Variants in ATP9A observed in about 807,000 individuals in gnomAD.
ATP9A encodes the protein probable phospholipid-transporting ATPase IIA.
A neutral mutation model predicts 144.1 loss-of-function variants in ATP9A; 52 were observed. The ratio of observed to expected loss-of-function variants is 0.36; its 90% CI spans 0.29 to 0.45. The LOEUF (loss-of-function observed/expected upper bound fraction) is 0.45, where lower values mean the gene tolerates loss of function less well. Among genes scored for constraint, ATP9A ranks in the 20% least tolerant of loss-of-function variants. The pLI, the probability that ATP9A is intolerant of heterozygous loss-of-function variation, is 1.00. For missense variants in ATP9A, 947 were observed against 1,392.7 expected (o/e 0.68, Z 5.09); for synonymous variants, 582 against 557.4 (o/e 1.04, Z -0.62).
chr20:51,660,523 A>AGG (rs1343037275), intron 13 of ATP9A, among the ~76,000 whole-genome samples: 1 of 152,258 alleles, frequency 6.6e-6, no homozygotes, highest in African/African-American at 2.4e-5. Context: ...CACAGGCCAC[A>AGG]GGTTCAATGC....
intron 1 of ATP9A, among the ~76,000 whole-genome samples, chr20:51,750,835 A>G (rs1307161035): frequency 6.6e-6 from 1 of 152,094 alleles, no homozygotes; most frequent in Non-Finnish European, 1.5e-5. Context: ...CAACCTAGGG[A>G]GGAATCCAAA....
At chr20:51,666,605 G>A (rs1007777317) in intron 13 of ATP9A, among the ~76,000 whole-genome samples, 21 of 151,608 alleles carry the variant, frequency 1.4e-4, no homozygotes, top group Non-Finnish European at 2.5e-4. Flanking sequence ...GCTTGAACCC[G>A]GGAGGTGGAG....
At chr20:51,646,903 G>A (rs1568801469) in intron 14 of ATP9A, among the ~76,000 whole-genome samples, 2 of 152,026 alleles carry the variant, frequency 1.3e-5, no homozygotes, top group African/African-American at 2.4e-5. Context: ...GATCACCTGA[G>A]GTATGGAGCC....
chr20:51,609,269 G>A (rs1568783282), intron 24 of ATP9A, among the ~76,000 whole-genome samples: 1 of 152,144 alleles, frequency 6.6e-6, no homozygotes, highest in Non-Finnish European at 1.5e-5. Context: ...TACTCTTCCA[G>A]AACCCGACGA....
chr20:51,728,879 T>C (rs759177920), intron 2 of ATP9A, among the ~76,000 whole-genome samples: 15 of 152,196 alleles, frequency 9.9e-5, no homozygotes, highest in Non-Finnish European at 2.1e-4. Context: ...TTGGAGCTGA[T>C]TGCTACTGCT....
At chr20:51,682,961 G>A (rs1267514812) in intron 9 of ATP9A, among the ~76,000 whole-genome samples, 2 of 150,436 alleles carry the variant, frequency 1.3e-5, no homozygotes, top group Non-Finnish European at 1.5e-5. Context: ...GTGTGGTGGT[G>A]CATGCCTGTA....
In ATP9A at chr20:51,702,652, C is replaced by A. The variant is rs116087831; in HGVS notation, c.437-5170G>T. 9.0e-3 allele frequency among the ~76,000 whole-genome samples: 1,365 copies of A among 151,998 alleles called. 17 individuals are homozygous for A. The highest frequency in any genetic ancestry group is 0.031 in the African/African-American group (1,292 of 41,434). On this transcript the variant is annotated intron_variant, in intron 4 of 27. Transcript: ENST00000338821. Reference sequence around the variant, plus strand: ...AAGTTAGAAGTGAGGAATCACTGGGCATTCAGTGGTCAGAACTGACTCCCA... The same window carrying A: ...AAGTTAGAAGTGAGGAATCACTGGGAATTCAGTGGTCAGAACTGACTCCCA...
chr20:51,688,982 A>C, intron 9 of ATP9A, 82 bp downstream of exon 9: 5 of 1,461,674 alleles, frequency 3.4e-6, no homozygotes, highest in Non-Finnish European at 9.6e-7. Flanking sequence ...CATTTTTCCA[A>C]CTGACAGATG....
At chr20:51,647,897 C>G (rs758265220) in intron 14 of ATP9A, among the ~76,000 whole-genome samples, 7 of 152,176 alleles carry the variant, frequency 4.6e-5, no homozygotes, top group Admixed American at 3.3e-4. Context: ...ACTGTCCAGC[C>G]CTGCTCAAAC....
chr20:51,664,880 C>A (rs1212966242), intron 13 of ATP9A, among the ~76,000 whole-genome samples: 1 of 143,904 alleles, frequency 6.9e-6, no homozygotes, highest in Non-Finnish European at 1.5e-5. Context: ...CCACCACCCC[C>A]GGCTAATTTT....
chr20:51,698,174 C>T (rs2077578464), intron 4 of ATP9A, among the ~76,000 whole-genome samples: 1 of 152,232 alleles, frequency 6.6e-6, no homozygotes, highest in African/African-American at 2.4e-5. Context: ...CTGGGATTCA[C>T]ACCTGCATCT....
At chr20:51,615,182 T>C (rs1258011075) in intron 22 of ATP9A, among the ~76,000 whole-genome samples, 3 of 152,050 alleles carry the variant, frequency 2.0e-5, no homozygotes, top group Non-Finnish European at 4.4e-5. Flanking sequence ...CTGAAATATT[T>C]AGGGGTAACA....
At chr20:51,675,887 G>GAA (rs375688302) in intron 10 of ATP9A, among the ~76,000 whole-genome samples, 81 of 103,500 alleles carry the variant, frequency 7.8e-4, no homozygotes, top group Non-Finnish European at 1.1e-3. Context: ...CTCAAAAAAA[G>GAA]AAAAAAAAAA....
chr20:51,705,789 T>C (rs1051832307), intron 4 of ATP9A, among the ~76,000 whole-genome samples: 7 of 152,168 alleles, frequency 4.6e-5, no homozygotes, highest in African/African-American at 1.7e-4. Context: ...AGAGAAATAA[T>C]TCCTTCACTA....
At chr20:51,601,407 G>A in intron 27 of ATP9A, 60 bp from the exon 28 acceptor site, 2 of 1,491,120 alleles carry the variant, frequency 1.3e-6, no homozygotes, top group Non-Finnish European at 1.8e-6. Context: ...GGTGCATGGG[G>A]TCCAGAAACA....
At chr20:51,608,785 G>C (rs550424683) in intron 24 of ATP9A, among the ~76,000 whole-genome samples, 159 bp from the exon 25 acceptor site, 2 of 152,248 alleles carry the variant, frequency 1.3e-5, no homozygotes, top group East Asian at 3.9e-4. Flanking sequence ...AAACCCATGA[G>C]CAAAAATGGA....
At chr20:51,650,467 G>A (rs2077359142) in intron 14 of ATP9A, among the ~76,000 whole-genome samples, 1 of 151,320 alleles carries the variant, frequency 6.6e-6, no homozygotes, top group Non-Finnish European at 1.5e-5. Flanking sequence ...CCAGGAGACG[G>A]AGGTTGCAGT....
Position 51,601,277 on chromosome 20 carries a change from G to C in ATP9A, c.3078C>G (p.Pro1026=), listed in dbSNP as rs138952924. 281 of 1,613,822 alleles carry C rather than the reference G, an allele frequency of 1.7e-4. No homozygotes were observed. Among genetic ancestry groups the C allele is most frequent in the Non-Finnish European group, 2.2e-4 (265 of 1,179,888 alleles). The part of the protein sequence containing the change: ...VSVITLVSCL[P]LYVLKYLRRR... Reference sequence around the variant, plus strand: ...TTCGCAGGTACTTGAGGACATAGAGGGGGAGGCAGCTGACCAGAGTGATGA... The same window carrying C: ...TTCGCAGGTACTTGAGGACATAGAGCGGGAGGCAGCTGACCAGAGTGATGA... The change falls in exon 28 of 28, where the codon CCC becomes CCG. Residue 1026 remains proline (P), a synonymous_variant. Transcript: ENST00000338821.
At chr20:51,697,999 T>C (rs1042453609) in intron 4 of ATP9A, among the ~76,000 whole-genome samples, 9 of 152,204 alleles carry the variant, frequency 5.9e-5, no homozygotes, top group African/African-American at 2.2e-4. Context: ...AAGCTAACAT[T>C]AAATGCTAAT....
Sources: allele counts gnomAD v4.1 joint callset (sites outside exome capture counted in the v4.1 genomes callset), GRCh38; gene constraint gnomAD v4.1.1; transcripts MANE v1.5; gene names NCBI Gene and HGNC (gene_info 2026-07-23, HGNC 2026-07-21).